The following ASTN2 variants were observed in gnomAD, a reference collection of about 807,000 sequenced individuals.
ASTN2 encodes astrotactin-2.
In ASTN2, 54 loss-of-function variants were observed where a neutral mutation model predicts 139.8. That is an observed-to-expected ratio of 0.39 (90% CI 0.31 to 0.48). The LOEUF is 0.48. Ranked by LOEUF, ASTN2 falls within the 20% of genes least tolerant of loss-of-function variation. The pLI, the probability that ASTN2 is intolerant of heterozygous loss-of-function variation, is 0.95. For missense variants in ASTN2, 1,565 were observed against 1,725.1 expected (o/e 0.91, Z 1.64); for synonymous variants, 756 against 719.5 (o/e 1.05, Z -0.81).
intron 10 of ASTN2, among the ~76,000 whole-genome samples, chr9:116,950,970 G>A (rs1193174453): frequency 6.6e-6 from 1 of 152,136 alleles, no homozygotes; most frequent in East Asian, 1.9e-4. Flanking sequence ...TGGTGCCCAT[G>A]CCCCATACCT....
chr9:116,778,332 T>C (rs115796974), intron 13 of ASTN2, among the ~76,000 whole-genome samples: 2,018 of 152,270 alleles, frequency 0.013, 39 homozygotes, highest in African/African-American at 0.046. Context: ...AGGAAGGACA[T>C]AATTTGGAAG....
At chr9:117,131,642 A>G (rs1829830212) in intron 4 of ASTN2, among the ~76,000 whole-genome samples, 1 of 152,178 alleles carries the variant, frequency 6.6e-6, no homozygotes, top group Non-Finnish European at 1.5e-5. Context: ...TCATCTACAT[A>G]ACAAGAACCT....
intron 3 of ASTN2, among the ~76,000 whole-genome samples, chr9:117,162,917 A>G (rs1830585272): frequency 6.6e-6 from 1 of 152,072 alleles, no homozygotes; most frequent in Non-Finnish European, 1.5e-5. Context: ...CATTAAAGAA[A>G]CCTCAGAAGA....
chr9:117,365,253 G>GAA (rs1215505997), intron 1 of ASTN2, among the ~76,000 whole-genome samples: 3 of 134,238 alleles, frequency 2.2e-5, no homozygotes, highest in African/African-American at 5.6e-5. Flanking sequence ...AAGAGAGAGA[G>GAA]AAACAGAGAG....
chr9:117,322,236 T>G (rs1828350708), intron 1 of ASTN2, among the ~76,000 whole-genome samples: 1 of 152,220 alleles, frequency 6.6e-6, no homozygotes, highest in African/African-American at 2.4e-5. Context: ...GTTATCCCTC[T>G]GCACTCTTGA....
chr9:116,816,716 G>C (rs565279507), intron 12 of ASTN2, among the ~76,000 whole-genome samples: 2 of 152,030 alleles, frequency 1.3e-5, no homozygotes, highest in African/African-American at 4.8e-5. Flanking sequence ...CTATCACAGG[G>C]AGAGCCATGG....
intron 10 of ASTN2, among the ~76,000 whole-genome samples, chr9:116,935,697 C>T (rs1205133822): frequency 6.6e-6 from 1 of 152,216 alleles, no homozygotes; most frequent in African/African-American, 2.4e-5. Context: ...TACGTCACCT[C>T]TCTGTGTCAG....
rs1587921096 is a variant in ASTN2 at position 117,295,220 on chromosome 9, G to A, written c.443-3707C>T. Among the ~76,000 whole-genome samples, 3 of 152,234 alleles carry A rather than the reference G, an allele frequency of 2.0e-5. No homozygotes were observed. In the Middle Eastern group the frequency reaches 0.01, roughly 518 times the overall value. On this transcript the variant is annotated intron_variant, in intron 1 of 22. Coordinates refer to ENST00000313400, the MANE Select transcript of ASTN2 (RefSeq NM_001365068.1). ...ACCTGTAATCCCAGCTACTCAGGAGGCAGAGGCCCAAGAATCGCTTGAACT... is the reference window on the plus strand; with the variant it reads ...ACCTGTAATCCCAGCTACTCAGGAGACAGAGGCCCAAGAATCGCTTGAACT...
At position 116,698,903 on chromosome 9, in the gene ASTN2, C is replaced by A; in HGVS notation, c.2806+26868G>T. The A allele has an allele frequency of 6.2e-7, 1 of 1,614,212 alleles. No individual in the cohort carries two copies. Among genetic ancestry groups the A allele is most frequent in the South Asian group, 1.1e-5 (1 of 91,080 alleles). On this transcript the variant is annotated intron_variant, in intron 16 of 22. Transcript: ENST00000313400. This position sits in a 1 kb window ranked among gnomAD's most constrained non-coding sequence, Gnocchi z 4.4. ...TGACCAGTCAAGGTGAAGTACTAGTCGCTGACCGTGGTAACTATCGTATAC... is the reference window on the plus strand; with the variant it reads ...TGACCAGTCAAGGTGAAGTACTAGTAGCTGACCGTGGTAACTATCGTATAC...
At chr9:116,538,192 A>G (rs1178274339) in intron 19 of ASTN2, among the ~76,000 whole-genome samples, 1 of 151,988 alleles carries the variant, frequency 6.6e-6, no homozygotes, top group African/African-American at 2.4e-5. Flanking sequence ...GGGAGGGAGG[A>G]AGGGATGGAG....
intron 13 of ASTN2, among the ~76,000 whole-genome samples, chr9:116,771,951 C>A (rs1829963052): frequency 6.6e-6 from 1 of 152,248 alleles, no homozygotes; most frequent in Non-Finnish European, 1.5e-5. Context: ...ACTACTCATG[C>A]AAACAACCTT....
intron 19 of ASTN2, among the ~76,000 whole-genome samples, chr9:116,508,539 G>T (rs1277843656): frequency 1.3e-5 from 2 of 152,096 alleles, no homozygotes; most frequent in Non-Finnish European, 2.9e-5. Flanking sequence ...CCTAACCTAT[G>T]AAGGTATCAT....
chr9:116,747,496 G>C (rs1403815663), intron 13 of ASTN2, among the ~76,000 whole-genome samples: 2 of 152,140 alleles, frequency 1.3e-5, no homozygotes, highest in Non-Finnish European at 2.9e-5. Context: ...CAACAACCTT[G>C]TGAGTTAGGT....
At chr9:116,930,785 C>T (rs1233162951) in intron 10 of ASTN2, among the ~76,000 whole-genome samples, 1 of 152,206 alleles carries the variant, frequency 6.6e-6, no homozygotes, top group African/African-American at 2.4e-5. Context: ...CCAAGGCAGA[C>T]ATTTTTTGGG....
At chr9:116,834,025 CTGT>C (rs1226080945) in intron 11 of ASTN2, among the ~76,000 whole-genome samples, 1 of 152,214 alleles carries the variant, frequency 6.6e-6, no homozygotes. Context: ...GCCTCCAGAA[CTGT>C]TAGAAATAAG....
In ASTN2 at chr9:116,839,881, ATTTTTTTT is replaced by A. The variant is rs71502081; in HGVS notation, c.2041-19106_2041-19099del. On this transcript the variant is annotated intron_variant, in intron 11 of 22. Coordinates refer to ENST00000313400, the MANE Select transcript of ASTN2 (RefSeq NM_001365068.1). ...TTTCATTATTATTATTATTATTATT[ATTTTTTTT>A]TTTTTAATTGATCATTCTTGGGTGT... 1.0e-3 allele frequency among the ~76,000 whole-genome samples: 130 copies of A among 127,964 alleles called. 3 individuals are homozygous for A. The highest frequency in any genetic ancestry group is 2.8e-3 in the South Asian group (11 of 3,900). The allele number at this position is 127,964 out of a possible 152,430, so 83.9% of individuals were successfully genotyped here.
intron 20 of ASTN2, among the ~76,000 whole-genome samples, chr9:116,486,738 A>G (rs1849351195): frequency 6.6e-6 from 1 of 152,188 alleles, no homozygotes; most frequent in Non-Finnish European, 1.5e-5. Flanking sequence ...AAAAAGTAAC[A>G]AATGAGCTCC....
At chr9:117,337,139 T>TA (rs1828913407) in intron 1 of ASTN2, among the ~76,000 whole-genome samples, 2 of 152,292 alleles carry the variant, frequency 1.3e-5, no homozygotes, top group Middle Eastern at 3.4e-3. Context: ...GTGAGAAATC[T>TA]AAAAAATCAC....
intron 19 of ASTN2, among the ~76,000 whole-genome samples, chr9:116,556,650 G>A (rs1227232557): frequency 6.6e-6 from 1 of 152,114 alleles, no homozygotes; most frequent in Non-Finnish European, 1.5e-5. Context: ...GACTCAATTT[G>A]ACGATGACCA....
Sources: gnomAD v4.1 joint callset for allele counts (sites outside exome capture counted in the v4.1 genomes callset) on GRCh38, gnomAD v4.1.1 for gene constraint, Gnocchi (gnomAD v3.1) non-coding constraint, MANE v1.5 for transcripts, NCBI Gene and HGNC (gene_info 2026-07-23, HGNC 2026-07-21) for gene names.